The following CDKAL1 variants were observed in gnomAD, a reference collection of about 807,000 sequenced individuals.
The protein encoded by CDKAL1 is threonylcarbamoyladenosine tRNA methylthiotransferase.
In CDKAL1, 32 loss-of-function variants were observed where a neutral mutation model predicts 68.2. That is an observed-to-expected ratio of 0.47 (90% CI 0.35 to 0.63). CDKAL1 has a LOEUF of 0.63. Ranked by LOEUF, CDKAL1 falls within the 30% of genes least tolerant of loss-of-function variation. The pLI is 0.00. For missense variants in CDKAL1, 606 were observed against 696.7 expected, an observed-to-expected ratio of 0.87 and a Z score of 1.47; for synonymous variants, 234 against 244.3, an observed-to-expected ratio of 0.96 and a Z score of 0.39.
intron 4 of CDKAL1, among the ~76,000 whole-genome samples, chr6:20,569,898 A>G (rs1300519961): frequency 6.6e-6 from 1 of 152,078 alleles, no homozygotes; most frequent in Non-Finnish European, 1.5e-5. Flanking sequence ...AGAAGTTTTA[A>G]CCTTTCATCT....
At chr6:20,900,690 G>A (rs555650601) in intron 9 of CDKAL1, among the ~76,000 whole-genome samples, 8 of 152,250 alleles carry the variant, frequency 5.3e-5, no homozygotes, top group African/African-American at 1.9e-4. Context: ...TTCTTTTCAT[G>A]CAATCACCTT....
intron 9 of CDKAL1, among the ~76,000 whole-genome samples, chr6:20,846,526 A>G (rs1291178105): frequency 6.6e-6 from 1 of 152,238 alleles, no homozygotes; most frequent in Non-Finnish European, 1.5e-5. Flanking sequence ...TGAAATACTC[A>G]GATTTTTCAT....
chr6:20,559,024 T>C (rs1345643232), intron 4 of CDKAL1: 2 of 152,868 alleles, frequency 1.3e-5, no homozygotes, highest in Non-Finnish European at 2.9e-5. Context: ...CTATTTTTTT[T>C]CTTTTTAAAA....
At chr6:20,798,320 A>G (rs1581600074) in intron 8 of CDKAL1, among the ~76,000 whole-genome samples, 1 of 152,154 alleles carries the variant, frequency 6.6e-6, no homozygotes, top group African/African-American at 2.4e-5. Flanking sequence ...TACATAGGCT[A>G]AATTCATAGA....
At chr6:20,908,980 G>T (rs562514461) in intron 9 of CDKAL1, among the ~76,000 whole-genome samples, 30 of 152,228 alleles carry the variant, frequency 2.0e-4, no homozygotes, top group African/African-American at 7.0e-4. Context: ...CCAGACATTA[G>T]ATCTGTTTCA....
chr6:20,792,690 G>A (rs1332508641), intron 8 of CDKAL1, among the ~76,000 whole-genome samples: 3 of 152,064 alleles, frequency 2.0e-5, no homozygotes, highest in Non-Finnish European at 2.9e-5. Flanking sequence ...CAAGATTGGT[G>A]GTCTGTTTTA....
intron 13 of CDKAL1, among the ~76,000 whole-genome samples, chr6:21,157,573 A>C (rs1776705328): frequency 6.7e-6 from 1 of 149,730 alleles, no homozygotes; most frequent in African/African-American, 2.6e-5. Flanking sequence ...TACTTAAGTA[A>C]TATAAAAAAA....
At chr6:20,757,680 T>G (rs548036083) in intron 6 of CDKAL1, among the ~76,000 whole-genome samples, 2 of 152,342 alleles carry the variant, frequency 1.3e-5, no homozygotes, top group Admixed American at 1.3e-4. Flanking sequence ...ATTAGTGGTT[T>G]CATCTGAGGA....
intron 4 of CDKAL1, among the ~76,000 whole-genome samples, chr6:20,585,723 C>T (rs1435370504): frequency 1.3e-5 from 2 of 152,202 alleles, no homozygotes; most frequent in African/African-American, 4.8e-5. Flanking sequence ...CCCCTTCAGT[C>T]ATCTTTGCTG....
At chr6:21,055,498 A>G (rs1306147528) in intron 11 of CDKAL1, among the ~76,000 whole-genome samples, 3 of 152,076 alleles carry the variant, frequency 2.0e-5, no homozygotes, top group African/African-American at 7.2e-5. Flanking sequence ...TATTAAGCTC[A>G]GCATGCATTA....
At position 20,625,818 on chromosome 6, in the gene CDKAL1, A is replaced by G. The variant is rs148658739; in HGVS notation, c.287-23475A>G. ...AGAAAATGTAGACTGTTATGTGAAA[A>G]AAAATGGCCAGATTTTGTAAGATTG... is the stretch of plus-strand genomic sequence containing the variant. On this transcript the variant is annotated intron_variant, in intron 4 of 15. Transcript: ENST00000274695. 3.2e-3 allele frequency among the ~76,000 whole-genome samples: 493 copies of G among 152,264 alleles called. 5 individuals are homozygous for G. The highest frequency in any genetic ancestry group is 0.011 in the African/African-American group (477 of 41,572).
chr6:20,903,551 G>T (rs1762102491), intron 9 of CDKAL1, among the ~76,000 whole-genome samples: 1 of 152,260 alleles, frequency 6.6e-6, no homozygotes. Context: ...GCTTTAGTTT[G>T]ATTTCTCAAT....
chr6:20,624,108 A>G (rs1285433876), intron 4 of CDKAL1, among the ~76,000 whole-genome samples: 2 of 151,992 alleles, frequency 1.3e-5, no homozygotes, highest in African/African-American at 2.4e-5. Flanking sequence ...GATCTTGTGC[A>G]GTTTGGGAGA....
At chr6:20,888,284 G>C (rs1761192357) in intron 9 of CDKAL1, among the ~76,000 whole-genome samples, 1 of 151,442 alleles carries the variant, frequency 6.6e-6, no homozygotes, top group Non-Finnish European at 1.5e-5. Context: ...CTTCATCCAT[G>C]TCCCTACAAG....
intron 9 of CDKAL1, among the ~76,000 whole-genome samples, chr6:20,893,242 A>G (rs1275668744): frequency 1.3e-5 from 2 of 152,204 alleles, no homozygotes; most frequent in Admixed American, 6.5e-5. Context: ...TTAGATAATC[A>G]TGATTCATTC....
chr6:21,040,392 CT>C (rs1769850905), intron 11 of CDKAL1, among the ~76,000 whole-genome samples: 2 of 152,204 alleles, frequency 1.3e-5, no homozygotes, highest in Non-Finnish European at 2.9e-5. Context: ...TTGTGTGAGA[CT>C]ATTTTCTTTG....
chr6:20,630,634 G>A (rs1411629358), intron 4 of CDKAL1, among the ~76,000 whole-genome samples: 1 of 152,040 alleles, frequency 6.6e-6, no homozygotes, highest in Non-Finnish European at 1.5e-5. Context: ...GATGATTTTG[G>A]ATATTTTCAA....
chr6:21,215,581 C>G (rs1360739312), intron 15 of CDKAL1, among the ~76,000 whole-genome samples: 1 of 152,092 alleles, frequency 6.6e-6, no homozygotes, highest in South Asian at 2.1e-4. Context: ...AACTCAGTGT[C>G]TTGTTTTTAG....
At chr6:20,690,888 G>A (rs1365271925) in intron 5 of CDKAL1, among the ~76,000 whole-genome samples, 1 of 152,130 alleles carries the variant, frequency 6.6e-6, no homozygotes, top group Non-Finnish European at 1.5e-5. Context: ...ACTACTGACT[G>A]CTTGGGACTT....
Sources: allele counts gnomAD v4.1 joint callset (sites outside exome capture counted in the v4.1 genomes callset), GRCh38; gene constraint gnomAD v4.1.1; transcripts MANE v1.5; gene names NCBI Gene and HGNC (gene_info 2026-07-23, HGNC 2026-07-21).